The following PLXNA2 variants were observed in gnomAD, a reference collection of about 807,000 sequenced individuals.
The protein encoded by PLXNA2 is plexin-A2.
In PLXNA2, 91 loss-of-function variants were observed where a neutral mutation model predicts 193.5. That is an observed-to-expected ratio of 0.47 (90% CI 0.40 to 0.56). PLXNA2 has a LOEUF of 0.56. PLXNA2 is among the 20% of genes least tolerant of loss of function. The pLI is 0.00. For synonymous variants in PLXNA2, 997 were observed against 1,027.3 expected, an observed-to-expected ratio of 0.97 and a Z score of 0.56; for missense variants, 1,995 against 2,503.2, an observed-to-expected ratio of 0.80 and a Z score of 4.33.
chr1:208,042,299 T>C lies in PLXNA2; in HGVS notation c.4085A>G (p.Lys1362Arg), dbSNP rs1465200379. ...GCGGATGAAGGTCAGCAGGAACACC[T>C]TGTTGTTGATGAGCTGGGCAAAGAG... Reference protein sequence around the residue: ...LKLFAQLINNKVFLLTFIRTL... With the variant: ...LKLFAQLINNRVFLLTFIRTL... The change falls in exon 22 of 32, where the codon AAG (lysine) becomes AGG (arginine). Residue 1362 changes from lysine (K) to arginine (R), a missense_variant. Lys to Arg is a conservative substitution (Grantham distance 26). Coordinates refer to ENST00000367033, the MANE Select transcript of PLXNA2 (RefSeq NM_025179.4). The C allele has an allele frequency of 6.2e-7, 1 of 1,614,132 alleles. No individual in the cohort carries two copies. The highest frequency in any genetic ancestry group is 1.3e-5 in the African/African-American group (1 of 75,022).
At chr1:208,140,528 A>C (rs1197963048) in intron 4 of PLXNA2, among the ~76,000 whole-genome samples, 1 of 152,004 alleles carries the variant, frequency 6.6e-6, no homozygotes, top group African/African-American at 2.4e-5. Flanking sequence ...ATGTGAGTCT[A>C]TTTAACCTCT....
intron 18 of PLXNA2, 83 bp downstream of exon 18, chr1:208,045,795 A>G (rs1264966172): frequency 7.8e-6 from 12 of 1,530,908 alleles, no homozygotes; most frequent in Non-Finnish European, 1.1e-5. Flanking sequence ...AGAGCCAGAA[A>G]GAAAGAAAGT....
intron 6 of PLXNA2, among the ~76,000 whole-genome samples, 200 bp downstream of exon 6, chr1:208,098,646 A>G (rs919261451): frequency 6.6e-6 from 1 of 152,240 alleles, no homozygotes; most frequent in Non-Finnish European, 1.5e-5. Flanking sequence ...ATCAATGGGT[A>G]ATGAATTTGC....
At chr1:208,229,020 AG>A (rs940627699) in intron 1 of PLXNA2, among the ~76,000 whole-genome samples, 2 of 152,174 alleles carry the variant, frequency 1.3e-5, no homozygotes, top group African/African-American at 4.8e-5. Context: ...AGAGGAGGAA[AG>A]GGGAAAACCG....
intron 20 of PLXNA2, among the ~76,000 whole-genome samples, chr1:208,043,843 C>T (rs1398598579): frequency 6.6e-6 from 1 of 152,226 alleles, no homozygotes; most frequent in Non-Finnish European, 1.5e-5. Flanking sequence ...TTGACATTTG[C>T]AGCAAAAGGA....
intron 3 of PLXNA2, among the ~76,000 whole-genome samples, chr1:208,164,726 C>T (rs1417388162): frequency 2.0e-5 from 3 of 152,204 alleles, no homozygotes; most frequent in Non-Finnish European, 4.4e-5. Flanking sequence ...AAACCCAGCC[C>T]TCCTCGCCTT....
chr1:208,066,508 T>C (rs1421241027), intron 12 of PLXNA2, among the ~76,000 whole-genome samples: 1 of 152,204 alleles, frequency 6.6e-6, no homozygotes, highest in Non-Finnish European at 1.5e-5. Flanking sequence ...CCTACCACCT[T>C]GTGGCATTGT....
chr1:208,138,864 T>C (rs1211122832), intron 4 of PLXNA2, among the ~76,000 whole-genome samples: 1 of 152,158 alleles, frequency 6.6e-6, no homozygotes, highest in African/African-American at 2.4e-5. Flanking sequence ...CCGGCTCTAC[T>C]AAAAATACAA....
In PLXNA2 at chr1:208,054,583, G is replaced by A. The variant is rs373556707; in HGVS notation, c.2739-45C>T. ...TCTGGTGAGGGACTGGGCAAGGGCTGGCATCGCTGTTCACTTGCTCTCCCA... is the reference window on the plus strand; with the variant it reads ...TCTGGTGAGGGACTGGGCAAGGGCTAGCATCGCTGTTCACTTGCTCTCCCA... On this transcript the variant is annotated intron_variant, in intron 13 of 31. Transcript: ENST00000367033. 5 of 1,345,010 alleles carry A rather than the reference G, an allele frequency of 3.7e-6. No individual in the cohort carries two copies. In the African/African-American group the frequency reaches 7.1e-5, roughly 19 times the overall value. The allele number at this position is 1,345,010 out of a possible 1,614,324, so 83.3% of individuals were successfully genotyped here. A position where few individuals can be genotyped will look rare whatever the true frequency, so the allele number is the denominator to read the frequency against.
chr1:208,217,954 CTG>C lies in PLXNA2; in HGVS notation c.-34_-33del. On this transcript the variant is annotated 5_prime_UTR_variant, in exon 2 of 32. Coordinates refer to ENST00000367033, the MANE Select transcript of PLXNA2 (RefSeq NM_025179.4). This position sits in a 1 kb window ranked among gnomAD's most constrained non-coding sequence, Gnocchi z 4.7. ...AGGGGCGGCGGTGAGGAGACGGCTC[CTG>C]TGTGTGCTCATCTGCTCCACCTTCC... 6.3e-7 allele frequency: 1 copy of C among 1,598,490 alleles called. No individual in the cohort carries two copies. The highest frequency in any genetic ancestry group is 8.5e-7 in the Non-Finnish European group (1 of 1,178,148).
chr1:208,217,811 A>G lies in PLXNA2; in HGVS notation c.112T>C (p.Phe38Leu), dbSNP rs758909264. The change falls in exon 2 of 32, where the codon TTC becomes CTC. Residue 38 changes from phenylalanine to leucine, a missense_variant. Phe to Leu is a conservative substitution (Grantham distance 22, BLOSUM62 0). Coordinates refer to ENST00000367033, the MANE Select transcript of PLXNA2 (RefSeq NM_025179.4). This position sits in a 1 kb window ranked among gnomAD's most constrained non-coding sequence, Gnocchi z 4.7. ...LAPPAAGMPQ[F>L]STFHSENRDW... is the part of the protein sequence containing the mutation. ...CGATTCTCAGAGTGGAAGGTGCTGA[A>G]CTGAGGCATGCCGGCTGCTGGGGGG... The G allele has an allele frequency of 1.9e-6, 3 of 1,614,044 alleles. No individual in the cohort carries two copies. The highest frequency in any genetic ancestry group is 2.5e-6 in the Non-Finnish European group (3 of 1,180,036).
intron 2 of PLXNA2, among the ~76,000 whole-genome samples, chr1:208,216,330 C>T (rs951680151): frequency 2.0e-5 from 3 of 152,190 alleles, no homozygotes; most frequent in Non-Finnish European, 4.4e-5. Flanking sequence ...GCCTCTCCCC[C>T]TTTCCTGTTT....
intron 17 of PLXNA2, 125 bp from the exon 18 acceptor site, chr1:208,046,242 A>G (rs1665060291): frequency 8.0e-7 from 1 of 1,252,684 alleles, no homozygotes; most frequent in Non-Finnish European, 1.1e-6. Flanking sequence ...GCTTGTCTCC[A>G]TTCCATGGGA....
At chr1:208,120,755 TG>T (rs1667783502) in intron 4 of PLXNA2, among the ~76,000 whole-genome samples, 1 of 152,144 alleles carries the variant, frequency 6.6e-6, no homozygotes. Flanking sequence ...TCTGGCCTGG[TG>T]GACTCAGAGA....
intron 3 of PLXNA2, among the ~76,000 whole-genome samples, chr1:208,199,048 T>C (rs1670453139): frequency 6.6e-6 from 1 of 152,246 alleles, no homozygotes; most frequent in African/African-American, 2.4e-5. Context: ...GTGGATCTTT[T>C]AGGCCTATCC....
chr1:208,224,057 G>A (rs1339619161), intron 1 of PLXNA2, among the ~76,000 whole-genome samples: 1 of 152,066 alleles, frequency 6.6e-6, no homozygotes, highest in Non-Finnish European at 1.5e-5. Context: ...TTGTGCAGCT[G>A]TACGTGCAAG....
chr1:208,175,965 T>C (rs1008387280), intron 3 of PLXNA2, among the ~76,000 whole-genome samples: 8 of 152,226 alleles, frequency 5.3e-5, no homozygotes, highest in African/African-American at 1.9e-4. Context: ...AATTGATGGA[T>C]GGCTCAATTC....
chr1:208,219,491 C>T (rs1671251209), intron 1 of PLXNA2, among the ~76,000 whole-genome samples: 1 of 152,190 alleles, frequency 6.6e-6, no homozygotes, highest in South Asian at 2.1e-4. Context: ...CCAGACAGAA[C>T]TCTGGGCACA....
In PLXNA2 at chr1:208,221,381, GTTTTTTTTTT is replaced by G. The variant is rs33915614; in HGVS notation, c.-80-3389_-80-3380del. Among the ~76,000 whole-genome samples, 25 of 58,086 alleles carry G rather than the reference GTTTTTTTTTT, an allele frequency of 4.3e-4. No homozygotes were observed. In the East Asian group the frequency reaches 0.011, roughly 26 times the overall value. 38.1% of individuals were successfully genotyped at this position (58,086 alleles called of 152,430 possible). ...AGGTCAGGAGCTTTTTTCTTTTTCT[GTTTTTTTTTT>G]TTTTTTTTTTTTTTTTCAGGCCAGT... On this transcript the variant is annotated intron_variant, in intron 1 of 31. Coordinates refer to ENST00000367033, the MANE Select transcript of PLXNA2 (RefSeq NM_025179.4).
Sources: allele counts gnomAD v4.1 joint callset (sites outside exome capture counted in the v4.1 genomes callset), GRCh38; gene constraint gnomAD v4.1.1; non-coding constraint Gnocchi (gnomAD v3.1); transcripts MANE v1.5; gene names NCBI Gene and HGNC (gene_info 2026-07-23, HGNC 2026-07-21).